The following C10orf90 variants were observed in gnomAD, a reference collection of about 807,000 sequenced individuals.
C10orf90 encodes (E2-independent) E3 ubiquitin-conjugating enzyme FATS.
In C10orf90, 56 loss-of-function variants were observed where a neutral mutation model predicts 62.5. The observed-to-expected ratio is 0.90, with a 90% CI of 0.72 to 1.12. The LOEUF (loss-of-function observed/expected upper bound fraction) is 1.12. Ranked by LOEUF, C10orf90 falls within the 50% of genes most tolerant of loss-of-function variation. The pLI is 0.00. For synonymous variants in C10orf90, 386 were observed against 340.4 expected (o/e 1.13, Z -1.47); for missense variants, 970 against 880.4 (o/e 1.10, Z -1.29).
At chr10:126,586,834 G>A (rs937159484) in intron 2 of C10orf90, among the ~76,000 whole-genome samples, 4 of 152,112 alleles carry the variant, frequency 2.6e-5, no homozygotes, top group Non-Finnish European at 5.9e-5. Context: ...CTGCTCCTCT[G>A]TGACTCTCCA....
rs368200599 is a variant in C10orf90 at position 126,647,838 on chromosome 10, G to T, written c.241-1201C>A. ...TAGCTCCACTGTGAAAGCTCAGAAA[G>T]CTAAGCCTTCAGTTTGGTAACAGGC... On this transcript the variant is annotated intron_variant, in intron 1 of 9. Coordinates refer to ENST00000488181, the MANE Select transcript of C10orf90 (RefSeq NM_001350921.2). 3.2e-4 allele frequency among the ~76,000 whole-genome samples: 49 copies of T among 152,336 alleles called. No individual in the cohort carries two copies. The South Asian group carries it at 6.6e-3, about 21-fold the overall frequency.
At chr10:126,531,250 T>C (rs1314588427) in intron 2 of C10orf90, among the ~76,000 whole-genome samples, 1 of 152,048 alleles carries the variant, frequency 6.6e-6, no homozygotes, top group Non-Finnish European at 1.5e-5. Flanking sequence ...AGCTCTCAGC[T>C]GGGGTTGATT....
intron 1 of C10orf90, among the ~76,000 whole-genome samples, chr10:126,651,539 T>C (rs190484213): frequency 6.6e-6 from 1 of 152,166 alleles, no homozygotes; most frequent in Non-Finnish European, 1.5e-5. Context: ...TGTCAATCAG[T>C]ACTGTGGACA....
At chr10:126,553,752 C>T (rs906137821) in intron 2 of C10orf90, among the ~76,000 whole-genome samples, 9 of 152,102 alleles carry the variant, frequency 5.9e-5, no homozygotes, top group Non-Finnish European at 7.3e-5. Context: ...GATAGTTCCG[C>T]AGTGATGAAA....
intron 1 of C10orf90, among the ~76,000 whole-genome samples, chr10:126,649,903 A>C (rs1846257345): frequency 6.6e-6 from 1 of 152,062 alleles, no homozygotes; most frequent in African/African-American, 2.4e-5. Context: ...ATGTTTGCAG[A>C]AGAAAGGAGA....
At chr10:126,498,024 C>T (rs1862164742) in intron 4 of C10orf90, among the ~76,000 whole-genome samples, 1 of 152,192 alleles carries the variant, frequency 6.6e-6, no homozygotes, top group African/African-American at 2.4e-5. Context: ...CTTCTGGCTT[C>T]CCTAAAGATA....
At chr10:126,530,040 C>A (rs909258478) in intron 2 of C10orf90, among the ~76,000 whole-genome samples, 1 of 151,964 alleles carries the variant, frequency 6.6e-6, no homozygotes, top group South Asian at 2.1e-4. Flanking sequence ...ATTAAAAAAC[C>A]TCTTGTACAT....
chr10:126,519,166 G>A (rs1275625722), intron 2 of C10orf90, among the ~76,000 whole-genome samples: 1 of 152,202 alleles, frequency 6.6e-6, no homozygotes, highest in East Asian at 1.9e-4. Context: ...TTAGATAAAG[G>A]TGAACAGAGT....
At chr10:126,526,742 C>A (rs1863960961) in intron 2 of C10orf90, among the ~76,000 whole-genome samples, 1 of 152,174 alleles carries the variant, frequency 6.6e-6, no homozygotes, top group Non-Finnish European at 1.5e-5. Flanking sequence ...TGACCTCAGC[C>A]CCTGGCAACC....
intron 4 of C10orf90, among the ~76,000 whole-genome samples, chr10:126,485,811 G>A (rs993097251): frequency 2.0e-5 from 3 of 151,718 alleles, no homozygotes; most frequent in Admixed American, 1.3e-4. Context: ...GCCGGGCGTC[G>A]TGGTGGGCAC....
chr10:126,659,112 G>A (rs149633699), intron 1 of C10orf90, among the ~76,000 whole-genome samples: 6 of 152,266 alleles, frequency 3.9e-5, no homozygotes, highest in African/African-American at 1.2e-4. Flanking sequence ...ATAAGCACAC[G>A]GCATCTCCCA....
chr10:126,576,707 A>AC (rs1564879095), intron 2 of C10orf90, among the ~76,000 whole-genome samples: 1 of 41,410 alleles, frequency 2.4e-5, no homozygotes, highest in African/African-American at 9.3e-5. Flanking sequence ...ATGTATATGT[A>AC]TATATATACA....
intron 2 of C10orf90, among the ~76,000 whole-genome samples, chr10:126,571,885 A>G (rs1309387533): frequency 6.6e-6 from 1 of 152,158 alleles, no homozygotes; most frequent in Non-Finnish European, 1.5e-5. Flanking sequence ...GTCAGGCCTT[A>G]TACACTTCCT....
chr10:126,642,318 G>A (rs1426885817), intron 2 of C10orf90, among the ~76,000 whole-genome samples: 4 of 152,246 alleles, frequency 2.6e-5, no homozygotes, highest in South Asian at 4.1e-4. Context: ...AGATCACGAG[G>A]TCGGGAGATC....
chr10:126,626,128 C>CAAAAAAA (rs35587001), intron 2 of C10orf90, among the ~76,000 whole-genome samples: 3 of 109,906 alleles, frequency 2.7e-5, no homozygotes, highest in African/African-American at 1.0e-4. Flanking sequence ...GATTCCATCT[C>CAAAAAAA]AAAAAAAAAA....
intron 7 of C10orf90, among the ~76,000 whole-genome samples, chr10:126,448,892 A>T (rs888830701): frequency 3.9e-5 from 6 of 152,228 alleles, no homozygotes; most frequent in Non-Finnish European, 5.9e-5. Context: ...CAGAAATTGT[A>T]AAATCTTCTT....
At chr10:126,482,182 A>G (rs548215848) in intron 4 of C10orf90, among the ~76,000 whole-genome samples, 3 of 152,306 alleles carry the variant, frequency 2.0e-5, no homozygotes, top group Non-Finnish European at 4.4e-5. Context: ...GATTAAATAA[A>G]TGTGCTATGC....
chr10:126,551,144 C>T (rs1294741474), intron 2 of C10orf90, among the ~76,000 whole-genome samples: 1 of 152,204 alleles, frequency 6.6e-6, no homozygotes, highest in African/African-American at 2.4e-5. Flanking sequence ...AGCTGTAAAA[C>T]CTTGAAGAGG....
rs1193114911 is a variant in C10orf90 at position 126,576,690 on chromosome 10, CATGTAT to C, written c.314-62757_314-62752del. ...ATATATATGTATACATATACATATA[CATGTAT>C]ATGTATATGTATATATATACAAGAT... On this transcript the variant is annotated intron_variant, in intron 2 of 9. Coordinates refer to ENST00000488181, the MANE Select transcript of C10orf90 (RefSeq NM_001350921.2). Among the ~76,000 whole-genome samples the C allele has an allele frequency of 2.7e-3, 100 of 36,698 alleles. 15 individuals carry two copies. The highest frequency in any genetic ancestry group is 0.016 in the Admixed American group (62 of 3,976). The allele number at this position is 36,698 out of a possible 152,430, so 24.1% of individuals were successfully genotyped here. A position where few individuals can be genotyped will look rare whatever the true frequency, so the allele number is the denominator to read the frequency against.
Sources: gnomAD v4.1 joint callset for allele counts (sites outside exome capture counted in the v4.1 genomes callset) on GRCh38, gnomAD v4.1.1 for gene constraint, MANE v1.5 for transcripts, NCBI Gene and HGNC (gene_info 2026-07-23, HGNC 2026-07-21) for gene names.